ADAM11: variants seen among roughly 807,000 people sequenced by gnomAD.
The protein encoded by ADAM11 is ADAM metallopeptidase domain 11.
In ADAM11, 49 loss-of-function variants were observed where a neutral mutation model predicts 119.1. The ratio of observed to expected loss-of-function variants is 0.41; its 90% CI spans 0.33 to 0.52. ADAM11 has a LOEUF of 0.52. ADAM11 is among the 20% of genes least tolerant of loss of function. The pLI is 0.20. For synonymous variants in ADAM11, 364 were observed against 408.0 expected, an observed-to-expected ratio of 0.89 and a Z score of 1.30; for missense variants, 777 against 1,047.5, an observed-to-expected ratio of 0.74 and a Z score of 3.56.
rs201638616 is a variant in ADAM11, at chr17:44,759,870, G to A, written c.210G>A (p.Arg70=). 1.7e-5 allele frequency: 22 copies of A among 1,310,566 alleles called. 1 individual carries two copies. Among genetic ancestry groups the A allele is most frequent in the Non-Finnish European group, 1.8e-5 (18 of 1,021,808 alleles). The allele number at this position is 1,310,566 out of a possible 1,614,324, so 81.2% of individuals were successfully genotyped here. Residue 70 remains arginine, a synonymous_variant, in exon 2 of 27, where the codon AGG becomes AGA. Transcript: ENST00000200557. The part of the protein sequence containing the change: ...GEVRKQQLDT[R]VRQEPPGGPP... ...TCCGAAAGCAGCAGCTGGACACAAGGGTCCGCCAGGAGCCACCAGGGGGCC... is the reference window on the plus strand; with the variant it reads ...TCCGAAAGCAGCAGCTGGACACAAGAGTCCGCCAGGAGCCACCAGGGGGCC...
chr17:44,778,713 A>AAAAAAAAAAAAAAAAAAAAAAAAAAAAG (rs71136047), intron 25 of ADAM11, among the ~76,000 whole-genome samples: 9 of 80,476 alleles, frequency 1.1e-4, no homozygotes, highest in Non-Finnish European at 1.8e-4. Flanking sequence ...AAAAAAAAAA[A>AAAAAAAAAAAAAAAAAAAAAAAAAAAAG]GAAAGAAAGA....
Position 44,771,804 on chromosome 17 carries a change from G to A in ADAM11, c.516G>A (p.Glu172=). 1 of 1,612,946 alleles carries A rather than the reference G, an allele frequency of 6.2e-7. No individual in the cohort carries two copies. The highest frequency in any genetic ancestry group is 8.5e-7 in the Non-Finnish European group (1 of 1,179,070). The change falls in exon 6 of 27, where the codon GAG becomes GAA. Residue 172 remains glutamate, a synonymous_variant. Transcript: ENST00000200557. ...TGACTTACATCGTGGAGCCCCAAGAGGTGGCTGGACCTTGGGGAGCCCCTC... is the reference window on the plus strand; with the variant it reads ...TGACTTACATCGTGGAGCCCCAAGAAGTGGCTGGACCTTGGGGAGCCCCTC... ...GNLTYIVEPQ[E]VAGPWGAPQG... is the part of the protein sequence containing the mutation.
rs745421582 is a variant in ADAM11, at chr17:44,779,941, G to A, written c.*187G>A. ...CCCTTGGCACCACCAGGGTGGACCA[G>A]GCCTGGAGGGCACTTCCTCCACAGT... On this transcript the variant is annotated 3_prime_UTR_variant, in exon 27 of 27. Transcript: ENST00000200557. The A allele has an allele frequency of 4.8e-6, 4 of 834,068 alleles. No individual in the cohort carries two copies. The highest frequency in any genetic ancestry group is 4.3e-4 in the Middle Eastern group (2 of 4,630). 51.7% of individuals were successfully genotyped at this position (834,068 alleles called of 1,614,324 possible).
At chr17:44,759,690 A>C (rs542813872) in intron 1 of ADAM11, 32 bp from the exon 2 acceptor site, 1 of 1,315,578 alleles carries the variant, frequency 7.6e-7, no homozygotes, top group East Asian at 2.8e-5. Context: ...CAGGGTGGGC[A>C]GCTGCCTGCA....
intron 2 of ADAM11, among the ~76,000 whole-genome samples, chr17:44,762,120 G>A (rs1417210717): frequency 2.0e-5 from 3 of 152,172 alleles, no homozygotes; most frequent in African/African-American, 7.2e-5. Flanking sequence ...CACTGCGCCT[G>A]GCAGCTTGTA....
At chr17:44,769,875 G>C (rs766473411) in intron 3 of ADAM11, 81 bp downstream of exon 3, 18 of 1,602,428 alleles carry the variant, frequency 1.1e-5, no homozygotes, top group Admixed American at 1.7e-5. Context: ...CTGGGGGTCT[G>C]GGGGTTGGGC....
intron 25 of ADAM11, among the ~76,000 whole-genome samples, 182 bp from the exon 26 acceptor site, chr17:44,779,040 G>T (rs1204799586): frequency 6.6e-6 from 1 of 152,216 alleles, no homozygotes; most frequent in African/African-American, 2.4e-5. Context: ...CTGGAACCGG[G>T]ACGCATTTTT....
In ADAM11 at chr17:44,776,208, G is replaced by C. The variant is rs767610777; in HGVS notation, c.1566+1G>C. The C allele has an allele frequency of 6.2e-7, 1 of 1,613,400 alleles. No individual in the cohort carries two copies. Among genetic ancestry groups the C allele is most frequent in the East Asian group, 2.2e-5 (1 of 44,864 alleles). The stretch of plus-strand genomic sequence containing the variant: ...GACCTGCACCGGGGACTCTAGCCAG[G>C]TCCGCCCGGCCCCGCCGTCTTGTGG... On this transcript the variant is annotated splice_donor_variant, in intron 18 of 26. Transcript: ENST00000200557. LOFTEE classifies it high-confidence loss of function. The surrounding 1 kb of genome is among the most constrained non-coding windows in gnomAD (Gnocchi z 5.2).
At position 44,774,600 on chromosome 17, in the gene ADAM11, C is replaced by T. The variant is rs754629892; in HGVS notation, c.1168+18C>T. 1.9e-6 allele frequency: 3 copies of T among 1,609,486 alleles called. No individual in the cohort carries two copies. Among genetic ancestry groups the T allele is most frequent in the African/African-American group, 2.7e-5 (2 of 74,852 alleles). Reference sequence around the variant, plus strand: ...CTCGGCAGGTATCCTCCCCCAGAGGCCCCCGTGTGGCCCACGCCCAGCAGC... The same window carrying T: ...CTCGGCAGGTATCCTCCCCCAGAGGTCCCCGTGTGGCCCACGCCCAGCAGC... On this transcript the variant is annotated intron_variant, in intron 13 of 26. Coordinates refer to ENST00000200557, the MANE Select transcript of ADAM11 (RefSeq NM_002390.6).
intron 11 of ADAM11, 108 bp from the exon 12 acceptor site, chr17:44,774,187 A>T: frequency 1.6e-6 from 1 of 633,166 alleles, no homozygotes; most frequent in Admixed American, 3.7e-5. Context: ...GGCCAGGCTC[A>T]CCTCCTGAGG....
At chr17:44,778,343 C>G in intron 25 of ADAM11, 101 bp downstream of exon 25, 1 of 1,206,162 alleles carries the variant, frequency 8.3e-7, no homozygotes, top group East Asian at 2.6e-5. Context: ...CCCAACTGAA[C>G]CAGAGCTCAC....
chr17:44,760,202 T>C (rs1232435170), intron 2 of ADAM11, among the ~76,000 whole-genome samples: 1 of 152,222 alleles, frequency 6.6e-6, no homozygotes, highest in East Asian at 1.9e-4. Flanking sequence ...TGGCCAAAGC[T>C]AGTTGTTCTG....
rs929084082 is a variant in ADAM11, at chr17:44,771,686, G to T, written c.467+17G>T. ...GGGGCTGCAGTGAGTATGGGGAGGG[G>T]CCGGGCAGCTGGGAGAAGCCTCTGG... On this transcript the variant is annotated intron_variant, in intron 5 of 26. Transcript: ENST00000200557. 5 of 1,612,452 alleles carry T rather than the reference G, an allele frequency of 3.1e-6. No individual in the cohort carries two copies. In the South Asian group the frequency reaches 5.5e-5, roughly 18 times the overall value.
intron 2 of ADAM11, among the ~76,000 whole-genome samples, chr17:44,767,756 A>C (rs2049468255): frequency 6.6e-6 from 1 of 152,250 alleles, no homozygotes; most frequent in African/African-American, 2.4e-5. Context: ...GTGAGAGCTC[A>C]GCAGGTGGCA....
rs748123040 is a variant in ADAM11, at chr17:44,765,610, C to CTTTTTTTTTTTTTTTTTTTTTTT, written c.238-4107_238-4085dup. Reference sequence around the variant, plus strand: ...AATCCTGGTTTTTCTTTTCTTTTCTCTTTTTTTTTTTTTTTTTTTTTTTGT... The same window carrying CTTTTTTTTTTTTTTTTTTTTTTT: ...AATCCTGGTTTTTCTTTTCTTTTCTCTTTTTTTTTTTTTTTTTTTTTTTTTTTTTTTTTTTTTTTTTTTTTTGT... On this transcript the variant is annotated intron_variant, in intron 2 of 26. Transcript: ENST00000200557. 1.3e-4 allele frequency among the ~76,000 whole-genome samples: 13 copies of CTTTTTTTTTTTTTTTTTTTTTTT among 99,878 alleles called. 1 individual carries two copies. The highest frequency in any genetic ancestry group is 4.1e-4 in the Admixed American group (3 of 7,288). The allele number at this position is 99,878 out of a possible 152,430, so 65.5% of individuals were successfully genotyped here.
intron 13 of ADAM11, 51 bp downstream of exon 13, chr17:44,774,633 C>G: frequency 6.2e-7 from 1 of 1,600,896 alleles, no homozygotes; most frequent in Admixed American, 1.7e-5. Flanking sequence ...AGCTCTGGAA[C>G]GGGAGGGTGA....
At chr17:44,774,621 G>A in intron 13 of ADAM11, 39 bp downstream of exon 13, 1 of 1,605,290 alleles carries the variant, frequency 6.2e-7, no homozygotes, top group Non-Finnish European at 8.5e-7. Context: ...CCCACGCCCA[G>A]CAGCTCTGGA....
At chr17:44,767,342 G>A (rs1412812343) in intron 2 of ADAM11, among the ~76,000 whole-genome samples, 2 of 131,124 alleles carry the variant, frequency 1.5e-5, no homozygotes, top group African/African-American at 5.9e-5. Context: ...GTGATAGAGT[G>A]AGACTCCATC....
In ADAM11 at chr17:44,776,212, G is replaced by T. The variant is rs1465662735; in HGVS notation, c.1566+5G>T. On this transcript the variant is annotated splice_donor_5th_base_variant and intron_variant, in intron 18 of 26. Coordinates refer to ENST00000200557, the MANE Select transcript of ADAM11 (RefSeq NM_002390.6). The surrounding 1 kb of genome is among the most constrained non-coding windows in gnomAD (Gnocchi z 5.2). ...TGCACCGGGGACTCTAGCCAGGTCC[G>T]CCCGGCCCCGCCGTCTTGTGGAGCC... 4 of 1,613,022 alleles carry T rather than the reference G, an allele frequency of 2.5e-6. No homozygotes were observed. The highest frequency in any genetic ancestry group is 2.5e-6 in the Non-Finnish European group (3 of 1,179,812).
Sources: allele counts gnomAD v4.1 joint callset (sites outside exome capture counted in the v4.1 genomes callset), GRCh38; gene constraint gnomAD v4.1.1; non-coding constraint Gnocchi (gnomAD v3.1); transcripts MANE v1.5; gene names NCBI Gene and HGNC (gene_info 2026-07-23, HGNC 2026-07-21).